Variants in ZNF292 observed in about 807,000 individuals in gnomAD.
ZNF292 encodes zinc finger protein 292.
ZNF292 carries 26 observed loss-of-function variants against 217.9 expected under a neutral mutation model. The ratio of observed to expected loss-of-function variants is 0.12; its 90% CI spans 0.09 to 0.17. The LOEUF is 0.17. Ranked by LOEUF, ZNF292 falls within the 10% of genes least tolerant of loss-of-function variation. The pLI is 1.00. For synonymous variants in ZNF292, 1,257 were observed against 1,124.1 expected, an observed-to-expected ratio of 1.12 and a Z score of -2.37; for missense variants, 2,904 against 3,175.2, an observed-to-expected ratio of 0.91 and a Z score of 2.05.
chr6:87,252,112 T>G (rs1410796502), intron 7 of ZNF292, among the ~76,000 whole-genome samples: 1 of 152,074 alleles, frequency 6.6e-6, no homozygotes, highest in Non-Finnish European at 1.5e-5. Context: ...AAATCCTTCA[T>G]TCTCTGAATC....
chr6:87,233,588 G>A (rs1773757992), intron 5 of ZNF292, 61 bp downstream of exon 5: 2 of 1,561,258 alleles, frequency 1.3e-6, no homozygotes, highest in African/African-American at 2.7e-5. Flanking sequence ...TTTTTAATTA[G>A]AATGTCTTTG....
At position 87,257,398 on chromosome 6, in the gene ZNF292, A is replaced by G. The variant is rs1029972923; in HGVS notation, c.3769A>G (p.Ser1257Gly). The G allele has an allele frequency of 1.9e-6, 3 of 1,613,626 alleles. No individual in the cohort carries two copies. The highest frequency in any genetic ancestry group is 1.1e-5 in the South Asian group (1 of 91,030). Residue 1257 changes from serine to glycine, a missense_variant, in exon 8 of 8, where the codon AGT (serine) becomes GGT (glycine). Ser to Gly is a moderately conservative substitution (Grantham distance 56, BLOSUM62 0). Transcript: ENST00000369577. Reference sequence around the variant, plus strand: ...AACAGTTCTGCCTTTGAATATTGACAGTGGCTCAGATCCTTTCCTTCCTTT... The same window carrying G: ...AACAGTTCTGCCTTTGAATATTGACGGTGGCTCAGATCCTTTCCTTCCTTT... ...TKTVLPLNID[S>G]GSDPFLPLPA... is the part of the protein sequence containing the mutation.
intron 1 of ZNF292, among the ~76,000 whole-genome samples, chr6:87,210,509 G>A (rs767816758): frequency 6.6e-6 from 1 of 151,984 alleles, no homozygotes; most frequent in East Asian, 1.9e-4. Context: ...ACTTTGTGGG[G>A]ATCTAGTAGC....
intron 7 of ZNF292, among the ~76,000 whole-genome samples, chr6:87,246,358 G>A (rs1343750831): frequency 2.6e-5 from 4 of 152,186 alleles, no homozygotes; most frequent in Non-Finnish European, 5.9e-5. Flanking sequence ...CCACAAATAC[G>A]TGATAAAATA....
rs749404949 is a variant in ZNF292, at chr6:87,261,313, C to T, written c.7684C>T (p.Arg2562Cys). ...PASAAELSSV[R>C]KEEETAVAIQ... ...ATCAGCAGCTGAGTTAAGTAGCGTG[C>T]GTAAAGAAGAAGAAACTGCTGTTGC... is the stretch of plus-strand genomic sequence containing the variant. Residue 2562 changes from arginine (R) to cysteine (C), a missense_variant, in exon 8 of 8, where the codon CGT becomes TGT. Around this residue, in one of 15 missense-constraint regions of ZNF292, gnomAD observed 380 missense variants for 355.3 expected, o/e 1.07. Coordinates refer to ENST00000369577, the MANE Select transcript of ZNF292 (RefSeq NM_015021.3). The T allele has an allele frequency of 1.4e-5, 22 of 1,613,218 alleles. No homozygotes were observed. Among genetic ancestry groups the T allele is most frequent in the African/African-American group, 4.0e-5 (3 of 74,860 alleles).
chr6:87,201,410 AT>A (rs1346756924), intron 1 of ZNF292, among the ~76,000 whole-genome samples: 1 of 151,760 alleles, frequency 6.6e-6, no homozygotes, highest in Admixed American at 6.6e-5. Context: ...TTGTTGTTTT[AT>A]TTTTTTCTTT....
chr6:87,244,579 T>C (rs769039728), intron 6 of ZNF292, among the ~76,000 whole-genome samples: 8 of 152,150 alleles, frequency 5.3e-5, no homozygotes, highest in East Asian at 3.9e-4. Context: ...CAGTTGTGAG[T>C]TGATTGATGA....
In ZNF292 at chr6:87,232,565, A is replaced by G. The variant is rs146776080; in HGVS notation, c.539-760A>G. On this transcript the variant is annotated intron_variant, in intron 4 of 7. Coordinates refer to ENST00000369577, the MANE Select transcript of ZNF292 (RefSeq NM_015021.3). ...AAAACTTAAATTCTCCTTCATAAAT[A>G]CAAAAAATAAAAATATTAATTCTTA... Among the ~76,000 whole-genome samples, 16 of 152,262 alleles carry G rather than the reference A, an allele frequency of 1.1e-4. No homozygotes were observed. The East Asian group carries it at 2.9e-3, about 27-fold the overall frequency.
At chr6:87,185,970 G>A (rs1442246682) in intron 1 of ZNF292, among the ~76,000 whole-genome samples, 1 of 152,074 alleles carries the variant, frequency 6.6e-6, no homozygotes, top group Admixed American at 6.6e-5. Context: ...CCTGAACCTA[G>A]TCCTTTGGAT....
rs1163936401 is a variant in ZNF292, at chr6:87,216,390, A to G, written c.402+13A>G. Reference sequence around the variant, plus strand: ...GACACTGGTGCAGGTGAGAATCTTTATCTTTAGATTTAATACAGGTATATC... The same window carrying G: ...GACACTGGTGCAGGTGAGAATCTTTGTCTTTAGATTTAATACAGGTATATC... On this transcript the variant is annotated intron_variant, in intron 3 of 7. Transcript: ENST00000369577. The G allele has an allele frequency of 1.9e-6, 3 of 1,552,830 alleles. No homozygotes were observed. Among genetic ancestry groups the G allele is most frequent in the Non-Finnish European group, 2.6e-6 (3 of 1,142,486 alleles).
chr6:87,166,132 A>G (rs1198203428), intron 1 of ZNF292, among the ~76,000 whole-genome samples: 1 of 152,180 alleles, frequency 6.6e-6, no homozygotes, highest in Non-Finnish European at 1.5e-5. Context: ...AGAAATACTG[A>G]TGCATAGGAA....
Position 87,256,837 on chromosome 6 carries a change from A to T in ZNF292, c.3208A>T (p.Ser1070Cys). 6.2e-7 allele frequency: 1 copy of T among 1,613,776 alleles called. No individual in the cohort carries two copies. ...LYNLPLKTLESIAFVPPQSDL... is the reference protein window; with the variant it reads ...LYNLPLKTLECIAFVPPQSDL... ...TAATTTACCTCTTAAGACATTAGAA[A>T]GTATTGCATTTGTTCCACCGCAGTC... The change falls in exon 8 of 8, where the codon AGT becomes TGT. Residue 1070 changes from serine to cysteine, a missense_variant. Transcript: ENST00000369577.
chr6:87,155,648 C>T lies in ZNF292; in HGVS notation c.57C>T (p.Val19=), dbSNP rs772825951. Residue 19 remains valine, a synonymous_variant, in exon 1 of 8, where the codon GTC becomes GTT. Transcript: ENST00000369577. The stretch of plus-strand genomic sequence containing the variant: ...TGAGTTGCGGCGAAGGCGGCTGCGT[C>T]GCGGAGCTGCAGCGCCTGGGCGAGC... ...ERLSCGEGGC[V]AELQRLGERL... 2.5e-6 allele frequency: 4 copies of T among 1,582,328 alleles called. No homozygotes were observed. The highest frequency in any genetic ancestry group is 2.3e-5 in the East Asian group (1 of 43,306).
chr6:87,211,453 A>G (rs926972037), intron 1 of ZNF292, among the ~76,000 whole-genome samples: 1 of 152,236 alleles, frequency 6.6e-6, no homozygotes, highest in African/African-American at 2.4e-5. Context: ...TGTATCACAT[A>G]GTAGTTAAGA....
Position 87,261,938 on chromosome 6 carries a change from A to G in ZNF292, c.*137A>G, listed in dbSNP as rs976562992. 6 of 631,040 alleles carry G rather than the reference A, an allele frequency of 9.5e-6. No homozygotes were observed. Among genetic ancestry groups the G allele is most frequent in the African/African-American group, 1.9e-5 (1 of 53,300 alleles). The allele number at this position is 631,040 out of a possible 1,614,324, so 39.1% of individuals were successfully genotyped here. On this transcript the variant is annotated 3_prime_UTR_variant, in exon 8 of 8. Transcript: ENST00000369577. ...AACCTGGCCAAAAACAAAAAAGAAA[A>G]AAAAAACATGACATTTGTCATGTAA...
chr6:87,225,725 T>C (rs1014974750), intron 4 of ZNF292, among the ~76,000 whole-genome samples: 3 of 152,296 alleles, frequency 2.0e-5, no homozygotes, highest in South Asian at 2.1e-4. Flanking sequence ...GTTTTGAAAA[T>C]TACATTTTGC....
rs1226967088 is a variant in ZNF292, at chr6:87,160,379, A to C, written c.168+4620A>C. Among the ~76,000 whole-genome samples, 6 of 152,154 alleles carry C rather than the reference A, an allele frequency of 3.9e-5. No individual in the cohort carries two copies. The East Asian group carries it at 1.2e-3, about 29-fold the overall frequency. The stretch of plus-strand genomic sequence containing the variant: ...CTGGACTGGCCGACTGGTTGATTGT[A>C]ACTGTTATTGACCATTGATCAGTAG... On this transcript the variant is annotated intron_variant, in intron 1 of 7. Coordinates refer to ENST00000369577, the MANE Select transcript of ZNF292 (RefSeq NM_015021.3).
chr6:87,254,514 T>C, intron 7 of ZNF292, 136 bp from the exon 8 acceptor site: 1 of 809,052 alleles, frequency 1.2e-6, no homozygotes, highest in Non-Finnish European at 2.0e-6. Context: ...GCTGCAGTGC[T>C]TTAGAAGGGG....
chr6:87,208,704 T>G (rs553722675), intron 1 of ZNF292, among the ~76,000 whole-genome samples: 24 of 152,270 alleles, frequency 1.6e-4, no homozygotes, highest in African/African-American at 5.3e-4. Flanking sequence ...AAAAGGTGAT[T>G]GAGAGCTCCA....
Sources: gnomAD v4.1 joint callset for allele counts (sites outside exome capture counted in the v4.1 genomes callset) on GRCh38, gnomAD v4.1.1 for gene constraint, gnomAD v4.1.1 regional missense constraint, MANE v1.5 for transcripts, NCBI Gene and HGNC (gene_info 2026-07-23, HGNC 2026-07-21) for gene names.